The following IMMP2L variants were observed in gnomAD, a reference collection of about 807,000 sequenced individuals.
IMMP2L encodes the protein mitochondrial inner membrane protease subunit 2.
IMMP2L carries 18 observed loss-of-function variants against 19.3 expected under a neutral mutation model. That is an observed-to-expected ratio of 0.93 (90% CI 0.64 to 1.38). The LOEUF is 1.38. Among genes scored for constraint, IMMP2L ranks in the 40% most tolerant of loss-of-function variants. IMMP2L has a pLI of 0.00. For synonymous variants in IMMP2L, 76 were observed against 73.0 expected (o/e 1.04, Z -0.21); for missense variants, 233 against 218.2 (o/e 1.07, Z -0.43).
intron 2 of IMMP2L, among the ~76,000 whole-genome samples, chr7:111,493,945 A>G (rs897327409): frequency 2.0e-5 from 3 of 151,588 alleles, no homozygotes; most frequent in Non-Finnish European, 2.9e-5. Context: ...GCTTGCAGTG[A>G]GCCGAGACCA....
At chr7:111,104,064 C>G (rs1310395638) in intron 3 of IMMP2L, among the ~76,000 whole-genome samples, 1 of 151,704 alleles carries the variant, frequency 6.6e-6, no homozygotes, top group Admixed American at 6.6e-5. Flanking sequence ...TTTTCATTTT[C>G]ACTTCCCCAG....
chr7:111,418,769 T>C (rs1351688738), intron 3 of IMMP2L, among the ~76,000 whole-genome samples: 2 of 151,856 alleles, frequency 1.3e-5, no homozygotes, highest in Non-Finnish European at 2.9e-5. Flanking sequence ...TATCTAATTA[T>C]ATTGAAGAGA....
At chr7:111,397,705 A>T (rs1833011689) in intron 3 of IMMP2L, among the ~76,000 whole-genome samples, 1 of 152,144 alleles carries the variant, frequency 6.6e-6, no homozygotes, top group Non-Finnish European at 1.5e-5. Context: ...CTATCTGTTC[A>T]TGACCTTTGC....
intron 3 of IMMP2L, among the ~76,000 whole-genome samples, chr7:111,409,778 T>C (rs941676722): frequency 2.0e-5 from 3 of 151,802 alleles, no homozygotes; most frequent in South Asian, 2.1e-4. Flanking sequence ...CAAAATCCTA[T>C]ACATAACTAG....
intron 5 of IMMP2L, among the ~76,000 whole-genome samples, chr7:110,716,762 A>C (rs1201667284): frequency 6.6e-6 from 1 of 152,026 alleles, no homozygotes; most frequent in Admixed American, 6.5e-5. Context: ...GAACTCTGAA[A>C]AGAGTGAAGG....
chr7:111,111,490 G>C (rs190137293), intron 3 of IMMP2L, among the ~76,000 whole-genome samples: 1 of 151,078 alleles, frequency 6.6e-6, no homozygotes. Context: ...AAGGCAAAAT[G>C]TATTTCATTT....
intron 3 of IMMP2L, among the ~76,000 whole-genome samples, chr7:111,363,115 A>G (rs79575423): frequency 0.065 from 9,959 of 152,156 alleles, 409 homozygotes; most frequent in African/African-American, 0.089. Flanking sequence ...CATGAATGCA[A>G]GCCAAAGCCC....
At chr7:111,281,218 A>G (rs3997505) in intron 3 of IMMP2L, among the ~76,000 whole-genome samples, 78 of 103,066 alleles carry the variant, frequency 7.6e-4, no homozygotes, top group East Asian at 5.9e-3. Context: ...AAGAAAGAAA[A>G]AGAAAGAAAG....
At chr7:111,267,869 T>C (rs976446200) in intron 3 of IMMP2L, among the ~76,000 whole-genome samples, 5 of 152,076 alleles carry the variant, frequency 3.3e-5, no homozygotes, top group African/African-American at 1.2e-4. Context: ...TCATGAGTCA[T>C]TGTATAAAAA....
At chr7:111,445,448 A>T (rs1327277442) in intron 3 of IMMP2L, among the ~76,000 whole-genome samples, 1 of 152,080 alleles carries the variant, frequency 6.6e-6, no homozygotes, top group African/African-American at 2.4e-5. Context: ...ATAAGTTTAA[A>T]CTGGTTTGGC....
chr7:111,392,011 C>T, intron 3 of IMMP2L: 1 of 702,562 alleles, frequency 1.4e-6, no homozygotes, highest in South Asian at 1.5e-5. Flanking sequence ...CTTCAATGTC[C>T]TCTCCTACCT....
chr7:111,122,799 T>A (rs778831114), intron 3 of IMMP2L: 2 of 1,613,370 alleles, frequency 1.2e-6, no homozygotes. Context: ...TCCGAATTCA[T>A]GTGCTACTTG....
intron 5 of IMMP2L, among the ~76,000 whole-genome samples, chr7:110,696,122 C>A (rs934447804): frequency 2.0e-5 from 3 of 152,162 alleles, no homozygotes; most frequent in Admixed American, 6.5e-5. Flanking sequence ...GGGAAAAGCA[C>A]ATGAAGACAC....
At chr7:110,721,464 A>G (rs1222669743) in intron 5 of IMMP2L, among the ~76,000 whole-genome samples, 2 of 152,164 alleles carry the variant, frequency 1.3e-5, no homozygotes, top group Non-Finnish European at 2.9e-5. Context: ...ATGGAGATGT[A>G]TAGGAAATGA....
At chr7:111,425,328 T>A (rs1835968055) in intron 3 of IMMP2L, among the ~76,000 whole-genome samples, 1 of 151,224 alleles carries the variant, frequency 6.6e-6, no homozygotes, top group South Asian at 2.1e-4. Context: ...TGATAGAGAT[T>A]AGGGTTACAC....
intron 3 of IMMP2L, among the ~76,000 whole-genome samples, chr7:111,332,704 A>C (rs1825997490): frequency 6.6e-6 from 1 of 152,034 alleles, no homozygotes; most frequent in South Asian, 2.1e-4. Flanking sequence ...TTACACCCTA[A>C]AAATAAACTT....
intron 3 of IMMP2L, among the ~76,000 whole-genome samples, chr7:111,098,897 T>A (rs968610278): frequency 6.6e-6 from 1 of 151,782 alleles, no homozygotes; most frequent in African/African-American, 2.4e-5. Context: ...AAGAGTCAGA[T>A]TCTCTATCAA....
At chr7:111,315,884 AG>A (rs1824012753) in intron 3 of IMMP2L, among the ~76,000 whole-genome samples, 1 of 152,174 alleles carries the variant, frequency 6.6e-6, no homozygotes, top group African/African-American at 2.4e-5. Context: ...CCTGAACAAC[AG>A]GAAAGTACAG....
intron 3 of IMMP2L, among the ~76,000 whole-genome samples, chr7:111,159,989 G>C (rs974205756): frequency 2.6e-5 from 4 of 151,970 alleles, no homozygotes; most frequent in Non-Finnish European, 4.4e-5. Flanking sequence ...CTTGCACAGT[G>C]CAGCTTCACA....
Sources: allele counts gnomAD v4.1 joint callset (sites outside exome capture counted in the v4.1 genomes callset), GRCh38; gene constraint gnomAD v4.1.1; transcripts MANE v1.5; gene names NCBI Gene and HGNC (gene_info 2026-07-23, HGNC 2026-07-21).